The following PEBP4 variants were observed in gnomAD, a reference collection of about 807,000 sequenced individuals.
The protein encoded by PEBP4 is phosphatidylethanolamine binding protein 4, also known as phosphatidylethanolamine-binding protein 4.
In PEBP4, 22 loss-of-function variants were observed where a neutral mutation model predicts 23.9. The ratio of observed to expected loss-of-function variants is 0.92; its 90% CI spans 0.66 to 1.31. The LOEUF (loss-of-function observed/expected upper bound fraction) is 1.31, where lower values mean the gene tolerates loss of function less well. PEBP4 is among the 40% of genes most tolerant of loss of function. The pLI, the probability that PEBP4 is intolerant of heterozygous loss-of-function variation, is 0.00. For synonymous variants in PEBP4, 112 were observed against 99.3 expected (o/e 1.13, Z -0.76); for missense variants, 324 against 281.7 (o/e 1.15, Z -1.07).
chr8:22,900,024 CTGCATGACCTCT>C (rs1388858302), intron 3 of PEBP4, among the ~76,000 whole-genome samples: 1 of 152,028 alleles, frequency 6.6e-6, no homozygotes, highest in African/African-American at 2.4e-5. Context: ...CACCACCTGC[CTGCATGACCTCT>C]GGCAAGAGCC....
intron 3 of PEBP4, among the ~76,000 whole-genome samples, chr8:22,892,044 G>T (rs1003847686): frequency 6.6e-6 from 1 of 151,686 alleles, no homozygotes; most frequent in Non-Finnish European, 1.5e-5. Flanking sequence ...CTGCAGTCCG[G>T]CCTGGGCGAA....
chr8:22,880,828 C>G (rs1233698644), intron 3 of PEBP4, among the ~76,000 whole-genome samples: 1 of 152,236 alleles, frequency 6.6e-6, no homozygotes, highest in Non-Finnish European at 1.5e-5. Context: ...CTCAAAGCCA[C>G]TGGTTCTCCA....
chr8:22,824,770 A>G (rs2128763045), intron 3 of PEBP4, among the ~76,000 whole-genome samples: 1 of 152,264 alleles, frequency 6.6e-6, no homozygotes, highest in East Asian at 1.9e-4. Flanking sequence ...TTGTGCTCCT[A>G]TGAGACTCTA....
intron 4 of PEBP4, among the ~76,000 whole-genome samples, chr8:22,801,213 C>T (rs535336130): frequency 4.6e-4 from 70 of 152,242 alleles, no homozygotes; most frequent in Non-Finnish European, 7.9e-4. Flanking sequence ...CTAGTCACAG[C>T]GGGGAGGGCT....
At chr8:22,936,170 C>T (rs1809537349) in intron 1 of PEBP4, among the ~76,000 whole-genome samples, 1 of 151,686 alleles carries the variant, frequency 6.6e-6, no homozygotes, top group South Asian at 2.1e-4. Context: ...TTGACACTAT[C>T]AGCCAGATTA....
At position 22,940,842 on chromosome 8, in the gene PEBP4, G is replaced by A. The variant is rs1176752777; in HGVS notation, c.145-13122C>T. On this transcript the variant is annotated intron_variant, in intron 1 of 1. Transcript: ENST00000522278. The stretch of plus-strand genomic sequence containing the variant: ...GGCCAAGGTGTTTTTTCTCTCCTCT[G>A]TCTCCTCTCTCGTAGCAAATTCCTA... Among the ~76,000 whole-genome samples, 3 of 152,222 alleles carry A rather than the reference G, an allele frequency of 2.0e-5. No homozygotes were observed. In the East Asian group the frequency reaches 5.8e-4, roughly 29 times the overall value.
intron 4 of PEBP4, among the ~76,000 whole-genome samples, chr8:22,736,422 T>C (rs986202117): frequency 6.6e-6 from 1 of 151,938 alleles, no homozygotes; most frequent in African/African-American, 2.4e-5. Flanking sequence ...CTGGCCAGCA[T>C]AGTGAGACCC....
At chr8:22,790,478 G>A (rs753390898) in intron 4 of PEBP4, among the ~76,000 whole-genome samples, 4 of 152,156 alleles carry the variant, frequency 2.6e-5, no homozygotes, top group Non-Finnish European at 4.4e-5. Flanking sequence ...AGAGGGGCAC[G>A]GAAGAGGAAG....
At chr8:22,915,708 A>T (rs1015374296) in intron 3 of PEBP4, among the ~76,000 whole-genome samples, 1 of 152,124 alleles carries the variant, frequency 6.6e-6, no homozygotes, top group Non-Finnish European at 1.5e-5. Flanking sequence ...GTAGGAGAGG[A>T]GACTCCACAT....
At chr8:22,909,327 C>T (rs989900208) in intron 3 of PEBP4, among the ~76,000 whole-genome samples, 2 of 152,224 alleles carry the variant, frequency 1.3e-5, no homozygotes, top group South Asian at 2.1e-4. Context: ...ACAAACCCTC[C>T]GCATTGCCAG....
chr8:22,758,916 C>G (rs1330655998), intron 4 of PEBP4, among the ~76,000 whole-genome samples: 9 of 151,990 alleles, frequency 5.9e-5, no homozygotes, highest in African/African-American at 2.2e-4. Flanking sequence ...GGAGTGAAGT[C>G]CGGGGCTTAT....
At chr8:22,916,641 A>ACGT (rs1296872052) in intron 3 of PEBP4, among the ~76,000 whole-genome samples, 1 of 148,562 alleles carries the variant, frequency 6.7e-6, no homozygotes, top group African/African-American at 2.5e-5. Context: ...ATGCTCTCCC[A>ACGT]CATGTCATTC....
intron 3 of PEBP4, among the ~76,000 whole-genome samples, chr8:22,841,387 T>A (rs1585301817): frequency 1.3e-5 from 2 of 152,382 alleles, no homozygotes; most frequent in South Asian, 4.1e-4. Flanking sequence ...CAAAAGCTTT[T>A]GACAAGGTTA....
chr8:22,853,014 G>C (rs1016882899), intron 3 of PEBP4, among the ~76,000 whole-genome samples: 1 of 152,166 alleles, frequency 6.6e-6, no homozygotes, highest in East Asian at 1.9e-4. Context: ...AGCGAGCTGC[G>C]AAGCGCTTTC....
chr8:22,904,126 C>A (rs1014969798), intron 3 of PEBP4, among the ~76,000 whole-genome samples: 2 of 152,200 alleles, frequency 1.3e-5, no homozygotes, highest in Admixed American at 1.3e-4. Flanking sequence ...ACATCAAATA[C>A]TCCACGGAGG....
chr8:22,801,247 G>A (rs1018515370), intron 4 of PEBP4, among the ~76,000 whole-genome samples: 1 of 152,166 alleles, frequency 6.6e-6, no homozygotes, highest in Non-Finnish European at 1.5e-5. Flanking sequence ...AGGTTGACAG[G>A]CATGATCTCA....
At chr8:22,756,153 ACAGCCTT>A (rs1245702103) in intron 4 of PEBP4, 1 of 152,230 alleles carries the variant, frequency 6.6e-6, no homozygotes, top group Non-Finnish European at 1.5e-5. Context: ...GGCCAGAGCG[ACAGCCTT>A]GCGAGGCTAG....
At chr8:22,908,730 T>C (rs1239814273) in intron 3 of PEBP4, among the ~76,000 whole-genome samples, 2 of 152,176 alleles carry the variant, frequency 1.3e-5, no homozygotes, top group Non-Finnish European at 2.9e-5. Context: ...GTATTCGTAC[T>C]CAGGAAGCCT....
chr8:22,845,604 T>C (rs1427603536), intron 3 of PEBP4, among the ~76,000 whole-genome samples: 1 of 152,154 alleles, frequency 6.6e-6, no homozygotes, highest in Non-Finnish European at 1.5e-5. Context: ...TGCCATTCCA[T>C]GAGTCTGTGT....
Sources: allele counts gnomAD v4.1 joint callset (sites outside exome capture counted in the v4.1 genomes callset), GRCh38; gene constraint gnomAD v4.1.1; transcripts MANE v1.5; gene names NCBI Gene and HGNC (gene_info 2026-07-23, HGNC 2026-07-21).